H2BC5: variants seen among roughly 807,000 people sequenced by gnomAD.
H2BC5 encodes the protein H2B clustered histone 5.
H2BC5 carries 9 observed loss-of-function variants against 5.7 expected under a neutral mutation model. The observed-to-expected ratio is 1.57, with a 90% CI of 0.95 to 2.74. The LOEUF (loss-of-function observed/expected upper bound fraction) is 2.74, where lower values mean the gene tolerates loss of function less well. Among genes scored for constraint, H2BC5 ranks in the 30% most tolerant of loss-of-function variants. The probability of loss-of-function intolerance (pLI) is 0.00; values close to 1 mark genes in which losing one functional copy is unlikely to be tolerated. For missense variants in H2BC5, 175 were observed against 168.8 expected, an observed-to-expected ratio of 1.04 and a Z score of -0.20; for synonymous variants, 133 against 70.9, an observed-to-expected ratio of 1.88 and a Z score of -4.40.
intron 1 of H2BC5, among the ~76,000 whole-genome samples, chr6:26,166,460 T>C (rs1266816061): frequency 6.6e-6 from 1 of 152,130 alleles, no homozygotes; most frequent in Non-Finnish European, 1.5e-5. Flanking sequence ...CCATGTACTG[T>C]ATCCAGCACC....
chr6:26,163,096 T>C (rs1239034869), downstream of H2BC5, among the ~76,000 whole-genome samples: 1 of 150,708 alleles, frequency 6.6e-6, no homozygotes, highest in African/African-American at 2.5e-5. Context: ...TCCATTTCTA[T>C]TTGCATAAAA....
downstream of H2BC5, among the ~76,000 whole-genome samples, chr6:26,162,094 G>A (rs552400364): frequency 6.6e-5 from 10 of 152,302 alleles, no homozygotes; most frequent in Admixed American, 2.6e-4. Flanking sequence ...AATTTTTACA[G>A]ATGTAATACT....
rs750700667 is a variant in H2BC5 at position 26,158,285 on chromosome 6, C to T, written c.116C>T (p.Ser39Leu). The change falls in exon 1 of 1, where the codon TCA (serine) becomes TTA (leucine). Residue 39 changes from serine to leucine, a missense_variant. Physicochemically the swap from Ser to Leu is moderately radical, Grantham distance 145 (BLOSUM62 -2). This residue lies in a region of H2BC5 where 119 missense variants were observed against 85.6 expected (regional missense o/e 1.39). Transcript: ENST00000377777. Reference sequence around the variant, plus strand: ...AAGCGCAGCCGCAAGGAGAGCTATTCAGTGTATGTGTACAAGGTGCTGAAG... The same window carrying T: ...AAGCGCAGCCGCAAGGAGAGCTATTTAGTGTATGTGTACAAGGTGCTGAAG... ...KRKRSRKESY[S>L]VYVYKVLKQV... is the part of the protein sequence containing the mutation. The T allele has an allele frequency of 3.6e-5, 58 of 1,614,134 alleles. 1 individual carries two copies. The South Asian group carries it at 5.3e-4, about 15-fold the overall frequency.
downstream of H2BC5, chr6:26,160,913 AAAAAG>A (rs1453957494): frequency 6.7e-6 from 1 of 149,470 alleles, no homozygotes; most frequent in African/African-American, 2.5e-5. Context: ...GTCTTTTTGA[AAAAAG>A]AAAAAGAGGC....
intron 1 of H2BC5, among the ~76,000 whole-genome samples, chr6:26,167,682 A>G (rs1222429962): frequency 6.6e-6 from 1 of 152,042 alleles, no homozygotes; most frequent in Non-Finnish European, 1.5e-5. Flanking sequence ...CCTGAATGGA[A>G]TCCTCCCATG....
At chr6:26,159,879 T>A (rs966657396), downstream of H2BC5, among the ~76,000 whole-genome samples, 1 of 152,118 alleles carries the variant, frequency 6.6e-6, no homozygotes, top group Admixed American at 6.5e-5. Flanking sequence ...TCTAAGAAAG[T>A]AAACTCAGAG....
chr6:26,170,052 G>A (rs1764495798), intron 1 of H2BC5, among the ~76,000 whole-genome samples: 1 of 152,188 alleles, frequency 6.6e-6, no homozygotes, highest in South Asian at 2.1e-4. Context: ...TGGTGTCTCA[G>A]TTGTGTGTAA....
Position 26,158,215 on chromosome 6 carries a change from A to G in H2BC5, c.46A>G (p.Lys16Glu), listed in dbSNP as rs751383845. 1 of 1,614,224 alleles carries G rather than the reference A, an allele frequency of 6.2e-7. No homozygotes were observed. The highest frequency in any genetic ancestry group is 1.1e-5 in the South Asian group (1 of 91,084). Residue 16 changes from lysine to glutamate, a missense_variant, in exon 1 of 1, where the codon AAG becomes GAG. Lys to Glu is a moderately conservative substitution (Grantham distance 56). This residue lies in a region of H2BC5 where 119 missense variants were observed against 85.6 expected (regional missense o/e 1.39). Coordinates refer to ENST00000377777, the MANE Select transcript of H2BC5 (RefSeq NM_021063.4). ...KSAPAPKKGSKKAVTKAQKKD... is the reference protein window; with the variant it reads ...KSAPAPKKGSEKAVTKAQKKD... Reference sequence around the variant, plus strand: ...TGCTCCTGCCCCAAAGAAGGGCTCCAAGAAGGCGGTGACTAAGGCTCAGAA... The same window carrying G: ...TGCTCCTGCCCCAAAGAAGGGCTCCGAGAAGGCGGTGACTAAGGCTCAGAA...
Position 26,158,223 on chromosome 6 carries a change from G to A in H2BC5, c.54G>A (p.Ala18=), listed in dbSNP as rs781116738. The change falls in exon 1 of 1, where the codon GCG becomes GCA. Residue 18 remains alanine (A), a synonymous_variant. Transcript: ENST00000377777. ...CCCCAAAGAAGGGCTCCAAGAAGGCGGTGACTAAGGCTCAGAAGAAGGACG... is the reference window on the plus strand; with the variant it reads ...CCCCAAAGAAGGGCTCCAAGAAGGCAGTGACTAAGGCTCAGAAGAAGGACG... The part of the protein sequence containing the change: ...APAPKKGSKK[A]VTKAQKKDGK... The A allele has an allele frequency of 1.2e-6, 2 of 1,614,106 alleles. No homozygotes were observed. Among genetic ancestry groups the A allele is most frequent in the African/African-American group, 1.3e-5 (1 of 74,932 alleles).
Position 26,158,276 on chromosome 6 carries a change from A to G in H2BC5, c.107A>G (p.Glu36Gly). The change falls in exon 1 of 1, where the codon GAG (glutamate) becomes GGG (glycine). Residue 36 changes from glutamate to glycine, a missense_variant. This residue lies in a region of H2BC5 where 119 missense variants were observed against 85.6 expected (regional missense o/e 1.39). Transcript: ENST00000377777. ...DGKKRKRSRKESYSVYVYKVL... is the reference protein window; with the variant it reads ...DGKKRKRSRKGSYSVYVYKVL... ...AAGAAGCGCAAGCGCAGCCGCAAGG[A>G]GAGCTATTCAGTGTATGTGTACAAG... is the stretch of plus-strand genomic sequence containing the variant. The G allele has an allele frequency of 6.2e-7, 1 of 1,614,258 alleles. No homozygotes were observed. Among genetic ancestry groups the G allele is most frequent in the Non-Finnish European group, 8.5e-7 (1 of 1,180,058 alleles).
downstream of H2BC5, among the ~76,000 whole-genome samples, chr6:26,161,791 T>A (rs1417998): frequency 0.12 from 18,712 of 151,872 alleles, 1,295 homozygotes; most frequent in African/African-American, 0.17. Context: ...AATAAATAAA[T>A]GAAAAGAGAC....
At chr6:26,164,093 A>G in intron 1 of H2BC5, 1 of 457,542 alleles carries the variant, frequency 2.2e-6, no homozygotes, top group Non-Finnish European at 4.5e-6. Flanking sequence ...AAAATACCTC[A>G]GCAAATTCCA....
At chr6:26,162,595 G>A (rs1275480878), downstream of H2BC5, among the ~76,000 whole-genome samples, 3 of 152,154 alleles carry the variant, frequency 2.0e-5, no homozygotes, top group African/African-American at 7.2e-5. Flanking sequence ...AGGCTGGAGC[G>A]CAGTGGCCGG....
chr6:26,161,982 C>T (rs1030675738), downstream of H2BC5, among the ~76,000 whole-genome samples: 2 of 151,988 alleles, frequency 1.3e-5, no homozygotes, highest in African/African-American at 4.8e-5. Context: ...TAATGTATTG[C>T]TCATCAAAGC....
intron 1 of H2BC5, among the ~76,000 whole-genome samples, chr6:26,167,799 T>C (rs1037182810): frequency 3.3e-5 from 5 of 151,960 alleles, no homozygotes; most frequent in Non-Finnish European, 5.9e-5. Context: ...AGACAAAAAC[T>C]TGTCATCTGG....
intron 1 of H2BC5, chr6:26,170,935 T>C (rs751791362): frequency 6.6e-6 from 1 of 152,160 alleles, no homozygotes. Context: ...GATGGCAAAA[T>C]GGCACCTAAT....
In H2BC5 at chr6:26,158,331, C is replaced by T. The variant is rs774339192; in HGVS notation, c.162C>T (p.Gly54=). The T allele has an allele frequency of 2.1e-5, 34 of 1,614,278 alleles. No individual in the cohort carries two copies. The highest frequency in any genetic ancestry group is 2.7e-5 in the Non-Finnish European group (32 of 1,180,058). ...TGAAGCAGGTCCATCCCGACACCGG[C>T]ATCTCTTCCAAGGCAATGGGGATCA... ...KVLKQVHPDT[G]ISSKAMGIMN... The change falls in exon 1 of 1, where the codon GGC becomes GGT. Residue 54 remains glycine (G), a synonymous_variant. Transcript: ENST00000377777.
rs1581436797 is a variant in H2BC5, at chr6:26,168,818, T to C, written c.*10-2157T>C. 2.0e-5 allele frequency among the ~76,000 whole-genome samples: 3 copies of C among 152,176 alleles called. No individual in the cohort carries two copies. In the South Asian group the frequency reaches 6.2e-4, roughly 31 times the overall value. ...TTATATAAAACATTATCCCAGCACA[T>C]AGCAGCTACTTTTTAAAAAATATGC... On this transcript the variant is annotated intron_variant, in intron 1 of 1. Transcript: ENST00000289316.
intron 1 of H2BC5, among the ~76,000 whole-genome samples, chr6:26,170,544 CT>C (rs1442344972): frequency 6.6e-6 from 1 of 152,206 alleles, no homozygotes; most frequent in Non-Finnish European, 1.5e-5. Flanking sequence ...TAGTAGATTA[CT>C]TCTTAAAGTT....
Sources: allele counts gnomAD v4.1 joint callset (sites outside exome capture counted in the v4.1 genomes callset), GRCh38; gene constraint gnomAD v4.1.1; regional missense constraint gnomAD v4.1.1; transcripts MANE v1.5; gene names NCBI Gene and HGNC (gene_info 2026-07-23, HGNC 2026-07-21).